The following LGALS2 variants were observed in gnomAD, a reference collection of about 807,000 sequenced individuals.
LGALS2 encodes galectin-2.
LGALS2 carries 7 observed loss-of-function variants against 10.1 expected under a neutral mutation model. The observed-to-expected ratio is 0.70, with a 90% CI of 0.40 to 1.31. LGALS2 has a LOEUF of 1.31. LGALS2 is among the 50% of genes most tolerant of loss of function. The pLI is 0.01. For missense variants in LGALS2, 167 were observed against 163.6 expected, an observed-to-expected ratio of 1.02 and a Z score of -0.11; for synonymous variants, 86 against 64.2, an observed-to-expected ratio of 1.34 and a Z score of -1.63.
intron 1 of LGALS2, among the ~76,000 whole-genome samples, chr22:37,572,269 C>A (rs1023985644): frequency 1.3e-5 from 2 of 152,238 alleles, no homozygotes; most frequent in Non-Finnish European, 2.9e-5. Flanking sequence ...CTGCCCTCAG[C>A]AGAACCCCAG....
intron 1 of LGALS2, among the ~76,000 whole-genome samples, chr22:37,574,810 C>T (rs1003224306): frequency 2.6e-5 from 4 of 151,902 alleles, no homozygotes; most frequent in African/African-American, 9.7e-5. Flanking sequence ...GGAAGTGACC[C>T]GCTGGTTGGT....
intron 1 of LGALS2, among the ~76,000 whole-genome samples, chr22:37,574,419 G>C (rs5756738): frequency 0.5 from 76,109 of 150,966 alleles, 20,291 homozygotes; most frequent in Non-Finnish European, 0.59. Context: ...GGGAGGCTGA[G>C]GCAAGAGAAT....
intron 1 of LGALS2, chr22:37,578,685 C>G (rs1173024788): frequency 6.6e-6 from 1 of 152,190 alleles, no homozygotes; most frequent in African/African-American, 2.4e-5. Context: ...TGGGGTGGCT[C>G]ACACCTGTAA....
At chr22:37,579,439 G>T (rs1925784540) in intron 1 of LGALS2, among the ~76,000 whole-genome samples, 1 of 151,562 alleles carries the variant, frequency 6.6e-6, no homozygotes, top group African/African-American at 2.4e-5. Context: ...CTGTATTGTT[G>T]TTGTTGTTTT....
At chr22:37,571,750 T>C (rs1925503979) in intron 2 of LGALS2, 99 bp downstream of exon 2, 3 of 915,380 alleles carry the variant, frequency 3.3e-6, no homozygotes, top group Non-Finnish European at 5.4e-6. Flanking sequence ...TGGCCTGACG[T>C]CCCTCTTGCC....
intron 2 of LGALS2, among the ~76,000 whole-genome samples, chr22:37,571,582 T>G (rs1191688840): frequency 2.0e-5 from 3 of 152,166 alleles, no homozygotes; most frequent in African/African-American, 4.8e-5. Context: ...CAGACAGAGT[T>G]CCAGGGGCTT....
chr22:37,574,906 G>A (rs1925623664), intron 1 of LGALS2, among the ~76,000 whole-genome samples: 1 of 147,940 alleles, frequency 6.8e-6, no homozygotes, highest in African/African-American at 2.5e-5. Flanking sequence ...ATGTTGAGAT[G>A]GAGTCTCACT....
In LGALS2 at chr22:37,579,917, C is replaced by T. The variant is rs1054296590; in HGVS notation, c.-12G>A. 6 of 1,611,394 alleles carry T rather than the reference C, an allele frequency of 3.7e-6. No individual in the cohort carries two copies. In the East Asian group the frequency reaches 1.3e-4, roughly 36 times the overall value. ...GTCCTCACCGTCATGGTGACAGCTC[C>T]TGGCGGCAGCTCCCAGCGGCTCCTG... On this transcript the variant is annotated 5_prime_UTR_variant, in exon 1 of 4. Transcript: ENST00000215886.
intron 2 of LGALS2, among the ~76,000 whole-genome samples, chr22:37,571,026 A>T (rs954097016): frequency 1.3e-5 from 2 of 152,068 alleles, no homozygotes; most frequent in African/African-American, 4.8e-5. Flanking sequence ...ATATCTGAAG[A>T]CCTATTAAAT....
intron 1 of LGALS2, among the ~76,000 whole-genome samples, chr22:37,573,753 CAG>C (rs764787135): frequency 4.6e-5 from 7 of 150,584 alleles, no homozygotes; most frequent in Non-Finnish European, 7.4e-5. Flanking sequence ...TTTTTTTGAG[CAG>C]AGTCTTGCTT....
At chr22:37,579,768 A>G (rs1925793869) in intron 1 of LGALS2, 132 bp downstream of exon 1, 1 of 946,698 alleles carries the variant, frequency 1.1e-6, no homozygotes, top group East Asian at 2.7e-5. Context: ...ACCTCTGTCC[A>G]ACTTCTTTGC....
chr22:37,572,236 A>C (rs1374705001), intron 1 of LGALS2, among the ~76,000 whole-genome samples: 1 of 152,254 alleles, frequency 6.6e-6, no homozygotes, highest in African/African-American at 2.4e-5. Context: ...AGTTCCGCAA[A>C]GTGTTCAAGT....
chr22:37,578,015 C>T (rs1459851740), intron 1 of LGALS2, among the ~76,000 whole-genome samples: 1 of 152,212 alleles, frequency 6.6e-6, no homozygotes, highest in African/African-American at 2.4e-5. Flanking sequence ...TCGTGTGAAG[C>T]CACCCACAAT....
chr22:37,577,523 T>TTTCTTC (rs1555946024), intron 1 of LGALS2, among the ~76,000 whole-genome samples: 15 of 148,280 alleles, frequency 1.0e-4, no homozygotes, highest in African/African-American at 3.2e-4. Context: ...CTAATTTTTT[T>TTTCTTC]TTCTTCTTCT....
At chr22:37,574,571 G>A (rs1003922301) in intron 1 of LGALS2, among the ~76,000 whole-genome samples, 2 of 151,860 alleles carry the variant, frequency 1.3e-5, no homozygotes, top group Non-Finnish European at 2.9e-5. Context: ...GTGAGGGTTG[G>A]TCTGACCAGG....
At chr22:37,578,016 C>A (rs1320228650) in intron 1 of LGALS2, among the ~76,000 whole-genome samples, 1 of 152,216 alleles carries the variant, frequency 6.6e-6, no homozygotes, top group Non-Finnish European at 1.5e-5. Context: ...CGTGTGAAGC[C>A]ACCCACAATT....
chr22:37,572,054 G>A (rs1925515020), intron 1 of LGALS2, 123 bp from the exon 2 acceptor site: 1 of 750,624 alleles, frequency 1.3e-6, no homozygotes, highest in Non-Finnish European at 2.3e-6. Context: ...CCCACGTGAG[G>A]ACGCAGGAGA....
Position 37,570,362 on chromosome 22 carries a change from C to T in LGALS2, c.300G>A (p.Gly100=). ...SDKFKVKLPD[G]HELTFPNRLG... is the part of the protein sequence containing the mutation. ...GCCTGTTGGGAAAAGTCAGCTCGTG[C>T]CCATCTGGCAGCTTCACCTTGAATT... The change falls in exon 4 of 4, where the codon GGG becomes GGA. Residue 100 remains glycine (G), a synonymous_variant. Transcript: ENST00000215886. 1 of 1,614,042 alleles carries T rather than the reference C, an allele frequency of 6.2e-7. No individual in the cohort carries two copies. Among genetic ancestry groups the T allele is most frequent in the Non-Finnish European group, 8.5e-7 (1 of 1,179,976 alleles).
intron 1 of LGALS2, 133 bp from the exon 2 acceptor site, chr22:37,572,064 A>G: frequency 2.8e-6 from 2 of 712,720 alleles, no homozygotes; most frequent in East Asian, 2.7e-5. Context: ...GACGCAGGAG[A>G]CCACCAAGCT....
Sources: gnomAD v4.1 joint callset for allele counts (sites outside exome capture counted in the v4.1 genomes callset) on GRCh38, gnomAD v4.1.1 for gene constraint, MANE v1.5 for transcripts, NCBI Gene and HGNC (gene_info 2026-07-23, HGNC 2026-07-21) for gene names.